The following PRR33 variants were observed in gnomAD, a reference collection of about 807,000 sequenced individuals.
PRR33 encodes the protein proline-rich protein 33.
Under a neutral mutation model 0.5 loss-of-function variants are expected in PRR33, and 1 was observed. That is an observed-to-expected ratio of 2.18 (90% CI 0.77 to 10.34). The LOEUF (loss-of-function observed/expected upper bound fraction) is 10.34, where lower values mean the gene tolerates loss of function less well. PRR33 is among the 30% of genes most tolerant of loss of function. The pLI, the probability that PRR33 is intolerant of heterozygous loss-of-function variation, is 0.13. For missense variants in PRR33, 552 were observed against 251.8 expected, an observed-to-expected ratio of 2.19 and a Z score of -8.07; for synonymous variants, 226 against 110.0, an observed-to-expected ratio of 2.06 and a Z score of -6.60.
At chr11:1,917,410 C>T in the PRR33 span, among the ~76,000 whole-genome samples, 2 of 152,216 alleles carry the variant, frequency 1.3e-5, no homozygotes, top group Non-Finnish European at 2.9e-5. Flanking sequence ...GGGCTTGGCT[C>T]AGCATTTGCC....
At chr11:1,888,979 C>G (rs1260984441) in exon 1 of PRR33, 2 of 528,714 alleles carry the variant, frequency 3.8e-6, no homozygotes, top group East Asian at 3.3e-5. Context: ...CCTAACCATG[C>G]AGACTTCCCT....
the PRR33 span, among the ~76,000 whole-genome samples, chr11:1,916,498 C>G: frequency 1.0e-3 from 2 of 2,010 alleles, no homozygotes; most frequent in African/African-American, 5.4e-3. Flanking sequence ...CACCCAGTGA[C>G]AGCACTCCCC....
the PRR33 span, among the ~76,000 whole-genome samples, chr11:1,898,255 G>A: frequency 6.7e-6 from 1 of 148,526 alleles, no homozygotes; most frequent in African/African-American, 2.5e-5. Context: ...TTTTTTTTGA[G>A]ACCGAGTCTC....
At chr11:1,889,643 C>A (rs1192355403) in exon 1 of PRR33, 1 of 619,298 alleles carries the variant, frequency 1.6e-6, no homozygotes, top group Non-Finnish European at 3.0e-6. Flanking sequence ...GGGATGAGGC[C>A]CAGGCAGGGC....
chr11:1,916,420 C>T, the PRR33 span, among the ~76,000 whole-genome samples: 8 of 152,088 alleles, frequency 5.3e-5, no homozygotes, highest in African/African-American at 1.9e-4. Flanking sequence ...AGGTGACGTG[C>T]CCCCATCCTT....
At chr11:1,889,220 T>A (rs1474244921) in exon 1 of PRR33, 4 of 674,674 alleles carry the variant, frequency 5.9e-6, no homozygotes, top group South Asian at 4.8e-5. Context: ...TGGAGCGGAC[T>A]GTGGGAGGGG....
chr11:1,906,694 G>A, the PRR33 span, among the ~76,000 whole-genome samples: 97 of 152,304 alleles, frequency 6.4e-4, no homozygotes, highest in African/African-American at 2.3e-3. Flanking sequence ...ACCGCTGTGC[G>A]TGATAGGGTT....
At chr11:1,913,669 G>A in the PRR33 span, among the ~76,000 whole-genome samples, 8 of 152,250 alleles carry the variant, frequency 5.3e-5, no homozygotes, top group African/African-American at 1.9e-4. Flanking sequence ...CTTGGCCGCA[G>A]AGGGCAGACA....
chr11:1,894,805 A>AT (rs1849105662), upstream of PRR33, among the ~76,000 whole-genome samples: 1 of 151,982 alleles, frequency 6.6e-6, no homozygotes, highest in Admixed American at 6.6e-5. Flanking sequence ...AAGGACATAC[A>AT]TTTCCTTTAC....
exon 1 of PRR33, chr11:1,888,734 G>T: frequency 6.0e-6 from 1 of 166,978 alleles, no homozygotes; most frequent in Non-Finnish European, 1.3e-5. Flanking sequence ...CAGAGATCTG[G>T]CCCCAAACCT....
chr11:1,892,793 T>C (rs540117710), upstream of PRR33, among the ~76,000 whole-genome samples: 1 of 151,494 alleles, frequency 6.6e-6, no homozygotes, highest in African/African-American at 2.4e-5. Flanking sequence ...GGTGGATGGA[T>C]GGATGGGTAG....
chr11:1,915,246 G>T, the PRR33 span, among the ~76,000 whole-genome samples: 1 of 144,726 alleles, frequency 6.9e-6, no homozygotes, highest in African/African-American at 2.6e-5. Context: ...GGATGATATT[G>T]CTATGTGTGT....
chr11:1,890,328 C>A, exon 1 of PRR33: 1 of 712,950 alleles, frequency 1.4e-6, no homozygotes, highest in South Asian at 1.5e-5. Flanking sequence ...GGGGTGCGGG[C>A]CCTCAGCAGC....
chr11:1,909,127 G>A, the PRR33 span, among the ~76,000 whole-genome samples: 1 of 152,232 alleles, frequency 6.6e-6, no homozygotes, highest in Non-Finnish European at 1.5e-5. Flanking sequence ...GCTCACGCCT[G>A]TAATCCCAGC....
chr11:1,893,579 G>T (rs1355842702), upstream of PRR33, among the ~76,000 whole-genome samples: 1 of 149,550 alleles, frequency 6.7e-6, no homozygotes, highest in Non-Finnish European at 1.5e-5. Context: ...AGGGAGAGAG[G>T]GGGGATGGAG....
rs902777187 is a variant in PRR33 at position 1,890,274 on chromosome 11, G to A, written c.311C>T (p.Ala104Val). Reference sequence around the variant, plus strand: ...GGGTAGGGCAGCCACCATGCGGGGAGCCTCGGCGGGGCGTGGGGCTTCAGG... The same window carrying A: ...GGGTAGGGCAGCCACCATGCGGGGAACCTCGGCGGGGCGTGGGGCTTCAGG... The change falls in exon 1 of 1, where the codon GCT (alanine) becomes GTT (valine). Residue 104 changes from alanine (A) to valine (V), a missense_variant. Transcript: ENST00000640310. The A allele has an allele frequency of 8.4e-6, 6 of 713,152 alleles. No individual in the cohort carries two copies. The East Asian group carries it at 1.1e-4, about 13-fold the overall frequency. The allele number at this position is 713,152 out of a possible 1,614,324, so 44.2% of individuals were successfully genotyped here.
chr11:1,908,624 A>T, the PRR33 span, among the ~76,000 whole-genome samples: 27 of 152,250 alleles, frequency 1.8e-4, no homozygotes, highest in African/African-American at 6.0e-4. Flanking sequence ...AGATAATTTT[A>T]AAAACTGATT....
chr11:1,903,068 G>A, the PRR33 span: 1 of 152,104 alleles, frequency 6.6e-6, no homozygotes, highest in Non-Finnish European at 1.5e-5. Context: ...AGGTTTTTAT[G>A]ACCTGTATCT....
chr11:1,894,628 G>C (rs1849104220), upstream of PRR33, among the ~76,000 whole-genome samples: 3 of 152,096 alleles, frequency 2.0e-5, no homozygotes, highest in South Asian at 6.2e-4. Context: ...ACTATTCTGA[G>C]ATCCATGCTT....
Sources: gnomAD v4.1 joint callset for allele counts (sites outside exome capture counted in the v4.1 genomes callset) on GRCh38, gnomAD v4.1.1 for gene constraint, MANE v1.5 for transcripts, NCBI Gene and HGNC (gene_info 2026-07-23, HGNC 2026-07-21) for gene names.